NSMCE2: variants seen among roughly 807,000 people sequenced by gnomAD.
NSMCE2 encodes NSE2 SUMO ligase component of SMC5/6 complex.
Under a neutral mutation model 23.8 loss-of-function variants are expected in NSMCE2, and 24 were observed. The observed-to-expected ratio is 1.01, with a 90% CI of 0.73 to 1.42. The LOEUF (loss-of-function observed/expected upper bound fraction) is 1.42, where lower values mean the gene tolerates loss of function less well. Ranked by LOEUF, NSMCE2 falls within the 40% of genes most tolerant of loss-of-function variation. The pLI, the probability that NSMCE2 is intolerant of heterozygous loss-of-function variation, is 0.00. For missense variants in NSMCE2, 284 were observed against 296.5 expected, an observed-to-expected ratio of 0.96 and a Z score of 0.31; for synonymous variants, 92 against 94.1, an observed-to-expected ratio of 0.98 and a Z score of 0.13.
At chr8:125,246,417 T>G (rs1489068941) in intron 5 of NSMCE2, among the ~76,000 whole-genome samples, 1 of 151,954 alleles carries the variant, frequency 6.6e-6, no homozygotes, top group Non-Finnish European at 1.5e-5. Context: ...CTCCTGACCT[T>G]GTGATCCACC....
chr8:125,196,728 C>G lies in NSMCE2; in HGVS notation c.418+14472C>G, dbSNP rs112685145. ...TTGGGTATATACCCAGTAATGGGATCGCTGGGTCAAATGGTATTTCTAGTT... is the reference window on the plus strand; with the variant it reads ...TTGGGTATATACCCAGTAATGGGATGGCTGGGTCAAATGGTATTTCTAGTT... On this transcript the variant is annotated intron_variant, in intron 5 of 7. Transcript: ENST00000287437. 3.0e-3 allele frequency among the ~76,000 whole-genome samples: 456 copies of G among 152,206 alleles called. 2 individuals are homozygous for G. Among genetic ancestry groups the G allele is most frequent in the African/African-American group, 0.01 (429 of 41,530 alleles).
At chr8:125,130,475 T>C (rs1163705117) in intron 3 of NSMCE2, 1 of 200,096 alleles carries the variant, frequency 5.0e-6, no homozygotes, top group Admixed American at 5.4e-5. Context: ...TCTACATAAA[T>C]TATTTGAAAT....
chr8:125,109,249 G>A lies in NSMCE2; in HGVS notation c.157+6762G>A, dbSNP rs553785031. Among the ~76,000 whole-genome samples the A allele has an allele frequency of 2.0e-5, 3 of 152,204 alleles. No individual in the cohort carries two copies. The South Asian group carries it at 6.2e-4, about 32-fold the overall frequency. On this transcript the variant is annotated intron_variant, in intron 3 of 7. Coordinates refer to ENST00000287437, the MANE Select transcript of NSMCE2 (RefSeq NM_173685.4). ...ATTCTCTACCCTCCAATTTGCCTCA[G>A]GTTTCCTATTTATAAAAGGCATTAT...
At chr8:125,203,000 G>C (rs75328923) in intron 5 of NSMCE2, among the ~76,000 whole-genome samples, 3,274 of 152,208 alleles carry the variant, frequency 0.022, 129 homozygotes, top group African/African-American at 0.075. Flanking sequence ...AGGAATTGCT[G>C]TATTCACCAT....
At chr8:125,159,620 C>T (rs748698360) in intron 4 of NSMCE2, among the ~76,000 whole-genome samples, 20 of 152,116 alleles carry the variant, frequency 1.3e-4, no homozygotes, top group Non-Finnish European at 2.5e-4. Context: ...CATGACTATA[C>T]AGGGTTTGGT....
chr8:125,116,327 G>C (rs1338399843), intron 3 of NSMCE2, among the ~76,000 whole-genome samples: 2 of 152,158 alleles, frequency 1.3e-5, no homozygotes, highest in African/African-American at 2.4e-5. Context: ...CTCACCACAG[G>C]TCCTTCAGTG....
intron 1 of NSMCE2, among the ~76,000 whole-genome samples, chr8:125,098,229 C>A (rs1026097851): frequency 4.6e-5 from 7 of 152,154 alleles, no homozygotes; most frequent in African/African-American, 1.7e-4. Context: ...ACTGACACTA[C>A]ATGTCTCCTA....
intron 5 of NSMCE2, among the ~76,000 whole-genome samples, chr8:125,350,659 G>A (rs1812994807): frequency 6.6e-6 from 1 of 152,192 alleles, no homozygotes; most frequent in Non-Finnish European, 1.5e-5. Flanking sequence ...GAGAGAGCTT[G>A]TGCAGGGAAA....
intron 5 of NSMCE2, among the ~76,000 whole-genome samples, chr8:125,319,571 C>T (rs562426727): frequency 6.6e-6 from 1 of 151,804 alleles, no homozygotes; most frequent in East Asian, 1.9e-4. Context: ...TATGTAAAGA[C>T]CCAATAAGAT....
chr8:125,261,766 A>G (rs560609965), intron 5 of NSMCE2, among the ~76,000 whole-genome samples: 108 of 152,056 alleles, frequency 7.1e-4, no homozygotes, highest in African/African-American at 2.4e-3. Context: ...AAACAAAAAC[A>G]AAACAGCTTA....
intron 5 of NSMCE2, among the ~76,000 whole-genome samples, chr8:125,252,512 C>T (rs991781179): frequency 2.6e-5 from 4 of 152,034 alleles, no homozygotes; most frequent in Admixed American, 6.6e-5. Context: ...GGCGACAGAG[C>T]GAGACTCTGT....
chr8:125,228,392 G>A (rs1217517772), intron 5 of NSMCE2, among the ~76,000 whole-genome samples: 3 of 151,978 alleles, frequency 2.0e-5, no homozygotes, highest in Non-Finnish European at 2.9e-5. Context: ...ATTCAGTGAT[G>A]GTAACATATG....
intron 4 of NSMCE2, among the ~76,000 whole-genome samples, chr8:125,159,138 A>G (rs1200854391): frequency 6.6e-6 from 1 of 152,230 alleles, no homozygotes; most frequent in Non-Finnish European, 1.5e-5. Context: ...ACATTTTGAG[A>G]GCAAGAAAGA....
Position 125,351,631 on chromosome 8 carries a change from C to T in NSMCE2, c.419-5588C>T, listed in dbSNP as rs1290202916. ...CTTATAGTTAGGAAAATTTTGTAAC[C>T]TCTTTACTAAAGATTAAACTGATTT... On this transcript the variant is annotated intron_variant, in intron 5 of 7. Transcript: ENST00000287437. 2.0e-5 allele frequency among the ~76,000 whole-genome samples: 3 copies of T among 152,068 alleles called. No homozygotes were observed. The East Asian group carries it at 5.8e-4, about 29-fold the overall frequency.
At chr8:125,174,692 G>T (rs896560931) in intron 4 of NSMCE2, among the ~76,000 whole-genome samples, 7 of 152,196 alleles carry the variant, frequency 4.6e-5, no homozygotes, top group Non-Finnish European at 1.0e-4. Flanking sequence ...TTTTCCGAAA[G>T]GCTCGAAGGA....
chr8:125,238,611 A>G (rs1038640535), intron 5 of NSMCE2, among the ~76,000 whole-genome samples: 1 of 152,110 alleles, frequency 6.6e-6, no homozygotes, highest in Non-Finnish European at 1.5e-5. Context: ...CTTTCCCACC[A>G]GCTTCCAGCC....
At chr8:125,310,001 T>C (rs952900149) in intron 5 of NSMCE2, among the ~76,000 whole-genome samples, 13 of 152,206 alleles carry the variant, frequency 8.5e-5, no homozygotes, top group Admixed American at 3.3e-4. Context: ...GCTGTTTCTT[T>C]CTCATTTCTA....
intron 5 of NSMCE2, among the ~76,000 whole-genome samples, chr8:125,316,655 T>TTTCC (rs1050295668): frequency 2.8e-5 from 2 of 71,536 alleles, no homozygotes; most frequent in South Asian, 1.0e-3. Context: ...TCTTTCCTTC[T>TTTCC]TTCCTTCCTT....
chr8:125,232,403 CTG>C (rs1318109357), intron 5 of NSMCE2, among the ~76,000 whole-genome samples: 1 of 151,980 alleles, frequency 6.6e-6, no homozygotes, highest in Admixed American at 6.6e-5. Flanking sequence ...TCTGTAAGCA[CTG>C]TGCACATGAT....
Sources: gnomAD v4.1 joint callset for allele counts (sites outside exome capture counted in the v4.1 genomes callset) on GRCh38, gnomAD v4.1.1 for gene constraint, MANE v1.5 for transcripts, NCBI Gene and HGNC (gene_info 2026-07-23, HGNC 2026-07-21) for gene names.